The following KIF15 variants were observed in gnomAD, a reference collection of about 807,000 sequenced individuals.
The protein encoded by KIF15 is kinesin-like protein KIF15.
In KIF15, 140 loss-of-function variants were observed where a neutral mutation model predicts 190.6. The ratio of observed to expected loss-of-function variants is 0.73; its 90% CI spans 0.64 to 0.84. The LOEUF is 0.84. Ranked by LOEUF, KIF15 falls within the 40% of genes least tolerant of loss-of-function variation. KIF15 has a pLI of 0.00. For missense variants in KIF15, 1,372 were observed against 1,584.4 expected (o/e 0.87, Z 2.28); for synonymous variants, 528 against 551.3 (o/e 0.96, Z 0.59).
intron 14 of KIF15, among the ~76,000 whole-genome samples, chr3:44,803,510 T>C (rs1707370923): frequency 6.6e-6 from 1 of 152,252 alleles, no homozygotes; most frequent in Non-Finnish European, 1.5e-5. Flanking sequence ...TTGCATACTA[T>C]GTGAAAAGTG....
chr3:44,860,511 A>C (rs1166897837), intron 6 of KIF15, among the ~76,000 whole-genome samples: 1 of 152,190 alleles, frequency 6.6e-6, no homozygotes, highest in Non-Finnish European at 1.5e-5. Context: ...CTGGGAATAC[A>C]GGTGCCCGCC....
At chr3:44,776,755 T>A (rs1705908795) in intron 3 of KIF15, among the ~76,000 whole-genome samples, 1 of 152,210 alleles carries the variant, frequency 6.6e-6, no homozygotes, top group Non-Finnish European at 1.5e-5. Context: ...GGAAATGTTC[T>A]GTATCTGTGC....
chr3:44,820,502 C>G lies in KIF15; in HGVS notation c.2549+5426C>G, dbSNP rs1708221785. ...CCTAGGCGGAGGACCCTGCGGCCTT[C>G]CGCAGTGTTTGTGTCCCTGGGTACT... On this transcript the variant is annotated intron_variant, in intron 20 of 34. Coordinates refer to ENST00000326047, the MANE Select transcript of KIF15 (RefSeq NM_020242.3). 4.6e-5 allele frequency among the ~76,000 whole-genome samples: 7 copies of G among 152,238 alleles called. No homozygotes were observed. In the South Asian group the frequency reaches 1.5e-3, roughly 32 times the overall value.
chr3:44,848,089 T>C, intron 31 of KIF15, 32 bp downstream of exon 31: 1 of 1,313,448 alleles, frequency 7.6e-7, no homozygotes, highest in Non-Finnish European at 1.1e-6. Flanking sequence ...TAGTTTCTTC[T>C]TGTCTGAGCA....
chr3:44,785,042 A>G, intron 6 of KIF15, 100 bp downstream of exon 6: 2 of 635,244 alleles, frequency 3.1e-6, no homozygotes, highest in Non-Finnish European at 5.5e-6. Context: ...CATGGATGGT[A>G]CTCTACAATA....
At position 44,851,853 on chromosome 3, in the gene KIF15, C is replaced by A. The variant is rs1469896804; in HGVS notation, c.3873C>A (p.Val1291=). ...AATGCCTTAGAATGACTGATGAAGT[C>A]GAACGAACCCAAACTTTGGAGTCTA... ...EMECLRMTDE[V]ERTQTLESKA... Residue 1291 remains valine (V), a synonymous_variant, in exon 33 of 35, where the codon GTC becomes GTA. Transcript: ENST00000326047. 1 of 1,613,910 alleles carries A rather than the reference C, an allele frequency of 6.2e-7. No homozygotes were observed. Among genetic ancestry groups the A allele is most frequent in the Non-Finnish European group, 8.5e-7 (1 of 1,179,906 alleles).
Position 44,772,794 on chromosome 3 carries a change from A to G in KIF15, c.20-1601A>G, listed in dbSNP as rs117170087. Among the ~76,000 whole-genome samples the G allele has an allele frequency of 1.2e-3, 179 of 152,352 alleles. No individual in the cohort carries two copies. The East Asian group carries it at 0.032, about 27-fold the overall frequency. On this transcript the variant is annotated intron_variant, in intron 1 of 34. Transcript: ENST00000326047. The stretch of plus-strand genomic sequence containing the variant: ...GAAAGGACTCATTCCTTAAGCCAGG[A>G]TTGAATCCAGGCCACCATTGTAAAA...
chr3:44,854,544 G>T (rs1217049523), downstream of KIF15, among the ~76,000 whole-genome samples: 1 of 152,204 alleles, frequency 6.6e-6, no homozygotes, highest in Non-Finnish European at 1.5e-5. Context: ...GTAGCGAGCA[G>T]ACACTGCAAC....
rs2125734069 is a variant in KIF15 at position 44,852,747 on chromosome 3, A to G, written c.*12A>G. On this transcript the variant is annotated 3_prime_UTR_variant, in exon 35 of 35. Coordinates refer to ENST00000326047, the MANE Select transcript of KIF15 (RefSeq NM_020242.3). ...GAAGTGAATCTTGAGGATTCCGGTCAGCTACCTAGGCATCACCTTGTTTGA... is the reference window on the plus strand; with the variant it reads ...GAAGTGAATCTTGAGGATTCCGGTCGGCTACCTAGGCATCACCTTGTTTGA... 1 of 1,588,524 alleles carries G rather than the reference A, an allele frequency of 6.3e-7. No individual in the cohort carries two copies. The highest frequency in any genetic ancestry group is 2.3e-5 in the East Asian group (1 of 43,960).
intron 5 of KIF15, among the ~76,000 whole-genome samples, chr3:44,781,508 G>T (rs1706162668): frequency 6.6e-6 from 1 of 152,082 alleles, no homozygotes; most frequent in African/African-American, 2.4e-5. Context: ...TCAACCATAC[G>T]AATAATGTTG....
chr3:44,816,642 A>G (rs185377928), intron 20 of KIF15, among the ~76,000 whole-genome samples: 3 of 152,284 alleles, frequency 2.0e-5, no homozygotes, highest in East Asian at 3.9e-4. Context: ...TCTATCATTG[A>G]TGGACATTTG....
intron 26 of KIF15, among the ~76,000 whole-genome samples, chr3:44,832,146 AAG>A (rs1488740627): frequency 2.0e-5 from 3 of 152,108 alleles, no homozygotes; most frequent in African/African-American, 7.2e-5. Flanking sequence ...ACCTCCTCAG[AAG>A]AGAGAGTATT....
In KIF15 at chr3:44,841,180, T is replaced by C. The variant is rs754722890; in HGVS notation, c.3527T>C (p.Leu1176Pro). The C allele has an allele frequency of 1.2e-6, 2 of 1,613,316 alleles. No homozygotes were observed. Among genetic ancestry groups the C allele is most frequent in the African/African-American group, 1.3e-5 (1 of 74,976 alleles). The part of the protein sequence containing the change: ...GRASKTSLEH[L>P]VTKLNEDREV... ...GCCTCTAAGACTTCTTTGGAACACC[T>C]TGTAACAAAGCTAAATGAAGACAGA... Residue 1176 changes from leucine to proline, a missense_variant, in exon 29 of 35, where the codon CTT becomes CCT. Coordinates refer to ENST00000326047, the MANE Select transcript of KIF15 (RefSeq NM_020242.3).
intron 1 of KIF15, among the ~76,000 whole-genome samples, chr3:44,774,146 C>T (rs1705759678): frequency 6.6e-6 from 1 of 152,178 alleles, no homozygotes; most frequent in Non-Finnish European, 1.5e-5. Flanking sequence ...GGCAAGCCCC[C>T]TGTGCACAAT....
intron 14 of KIF15, among the ~76,000 whole-genome samples, chr3:44,804,643 C>G (rs1030770417): frequency 6.6e-6 from 1 of 152,214 alleles, no homozygotes; most frequent in Non-Finnish European, 1.5e-5. Flanking sequence ...AACATGACTT[C>G]TAATCCCCTT....
At chr3:44,774,851 G>A (rs987502884) in intron 2 of KIF15, among the ~76,000 whole-genome samples, 1 of 152,200 alleles carries the variant, frequency 6.6e-6, no homozygotes, top group African/African-American at 2.4e-5. Context: ...AGTAATCCCA[G>A]CACTTTGGGA....
At chr3:44,798,431 T>C (rs1294024899) in intron 10 of KIF15, among the ~76,000 whole-genome samples, 1 of 152,038 alleles carries the variant, frequency 6.6e-6, no homozygotes, top group Non-Finnish European at 1.5e-5. Context: ...AGTGGTGCGA[T>C]CTCTGCTCAG....
chr3:44,845,257 G>T lies in KIF15; in HGVS notation c.3695+2023G>T, dbSNP rs149906678. On this transcript the variant is annotated intron_variant, in intron 30 of 34. Coordinates refer to ENST00000326047, the MANE Select transcript of KIF15 (RefSeq NM_020242.3). ...GAGTGGTTCTGGAAACTTTGGTGGT[G>T]GTCATGGAGGTGGTTTTGGTGGGAG... Among the ~76,000 whole-genome samples, 218 of 152,260 alleles carry T rather than the reference G, an allele frequency of 1.4e-3. 1 individual carries two copies. The highest frequency in any genetic ancestry group is 5.0e-3 in the African/African-American group (209 of 41,546).
At chr3:44,808,388 T>C (rs191122050) in intron 16 of KIF15, among the ~76,000 whole-genome samples, 75 of 152,292 alleles carry the variant, frequency 4.9e-4, no homozygotes, top group African/African-American at 1.7e-3. Context: ...TATGAATACA[T>C]TCTCTTTGTT....
Sources: gnomAD v4.1 joint callset for allele counts (sites outside exome capture counted in the v4.1 genomes callset) on GRCh38, gnomAD v4.1.1 for gene constraint, MANE v1.5 for transcripts, NCBI Gene and HGNC (gene_info 2026-07-23, HGNC 2026-07-21) for gene names.